Variants in ABCB10 observed in about 807,000 individuals in gnomAD.
ABCB10 encodes ATP-binding cassette sub-family B member 10, mitochondrial.
Under a neutral mutation model 65.4 loss-of-function variants are expected in ABCB10, and 54 were observed. The observed-to-expected ratio is 0.83, with a 90% confidence interval of 0.66 to 1.04. The LOEUF (loss-of-function observed/expected upper bound fraction) is 1.04. ABCB10 is among the 50% of genes least tolerant of loss of function. The probability of loss-of-function intolerance (pLI) is 0.00; values close to 1 mark genes in which losing one functional copy is unlikely to be tolerated. For synonymous variants in ABCB10, 418 were observed against 406.5 expected, an observed-to-expected ratio of 1.03 and a Z score of -0.34; for missense variants, 846 against 976.6, an observed-to-expected ratio of 0.87 and a Z score of 1.78.
rs71173739 is a variant in ABCB10 at position 229,535,038 on chromosome 1, TAAAAAAAAAA to T, written c.1340-3317_1340-3308del. The T allele has an allele frequency of 6.9e-4, 33 of 47,502 alleles. 1 individual carries two copies. The highest frequency in any genetic ancestry group is 2.1e-3 in the African/African-American group (28 of 13,092). 2.9% of individuals were successfully genotyped at this position (47,502 alleles called of 1,614,324 possible). A position where few individuals can be genotyped will look rare whatever the true frequency, so the allele number is the denominator to read the frequency against. On this transcript the variant is annotated intron_variant, in intron 6 of 12. Coordinates refer to ENST00000344517, the MANE Select transcript of ABCB10 (RefSeq NM_012089.3). Reference sequence around the variant, plus strand: ...CTGGGCAACAGAATGAGACTCCCTTTAAAAAAAAAAAAAAAAAAAAAAAAAAAAAACCTTG... The same window carrying T: ...CTGGGCAACAGAATGAGACTCCCTTTAAAAAAAAAAAAAAAAAAAACCTTG...
intron 10 of ABCB10, among the ~76,000 whole-genome samples, chr1:229,524,083 CTGT>C (rs1662376394): frequency 6.6e-6 from 1 of 151,896 alleles, no homozygotes; most frequent in Non-Finnish European, 1.5e-5. Flanking sequence ...TAGGAAAAGA[CTGT>C]TGTTTTAGTC....
At chr1:229,533,369 C>T (rs544534817) in intron 6 of ABCB10, among the ~76,000 whole-genome samples, 135 of 152,192 alleles carry the variant, frequency 8.9e-4, no homozygotes, top group Middle Eastern at 3.4e-3. Flanking sequence ...AGTGATGTAC[C>T]CACCTCAGCC....
intron 1 of ABCB10, among the ~76,000 whole-genome samples, chr1:229,551,297 C>A (rs1156800335): frequency 6.6e-6 from 1 of 152,190 alleles, no homozygotes. Flanking sequence ...ACACCCTACA[C>A]TACCCACCTC....
chr1:229,549,135 A>G, intron 2 of ABCB10, 99 bp downstream of exon 2: 2 of 1,280,336 alleles, frequency 1.6e-6, no homozygotes, highest in Non-Finnish European at 1.1e-6. Context: ...AGAGGAAGAG[A>G]ATGGAGCCTG....
At chr1:229,521,342 T>C (rs1421196218) in intron 11 of ABCB10, among the ~76,000 whole-genome samples, 1 of 152,154 alleles carries the variant, frequency 6.6e-6, no homozygotes, top group Non-Finnish European at 1.5e-5. Context: ...AGGGTCCATG[T>C]GTTAAATTCT....
At chr1:229,554,523 G>A (rs559113453) in intron 1 of ABCB10, among the ~76,000 whole-genome samples, 21 of 152,222 alleles carry the variant, frequency 1.4e-4, no homozygotes, top group African/African-American at 4.8e-4. Context: ...TTCTCTAGTT[G>A]CCACATTATA....
At position 229,537,790 on chromosome 1, in the gene ABCB10, CAAAT is replaced by C. The variant is rs201983639; in HGVS notation, c.1339+1662_1339+1665del. Reference sequence around the variant, plus strand: ...GGGCGACAGAGCAAGACTCCATCTCCAAATAAATAAACAAACAAACAAACAAACA... The same window carrying C: ...GGGCGACAGAGCAAGACTCCATCTCCAAATAAACAAACAAACAAACAAACA... On this transcript the variant is annotated intron_variant, in intron 6 of 12. Transcript: ENST00000344517. Among the ~76,000 whole-genome samples, 1,054 of 152,076 alleles carry C rather than the reference CAAAT, an allele frequency of 6.9e-3. 11 individuals are homozygous for C. Among genetic ancestry groups the C allele is most frequent in the African/African-American group, 0.024 (990 of 41,490 alleles).
intron 8 of ABCB10, 134 bp from the exon 9 acceptor site, chr1:229,527,442 TCTAAAA>T: frequency 1.3e-6 from 1 of 750,062 alleles, no homozygotes; most frequent in Non-Finnish European, 2.3e-6. Context: ...CCAGATGGAC[TCTAAAA>T]CTAACATATT....
At chr1:229,530,757 G>C (rs916993351) in intron 7 of ABCB10, among the ~76,000 whole-genome samples, 2 of 152,232 alleles carry the variant, frequency 1.3e-5, no homozygotes, top group Non-Finnish European at 2.9e-5. Context: ...ACCCTTGTTA[G>C]TCTGGTTTCA....
At chr1:229,539,309 T>C in intron 6 of ABCB10, 147 bp downstream of exon 6, 1 of 1,271,352 alleles carries the variant, frequency 7.9e-7, no homozygotes, top group South Asian at 1.3e-5. Flanking sequence ...ATTTTACTTC[T>C]TTAAAAGCCC....
rs1663135433 is a variant in ABCB10 at position 229,552,259 on chromosome 1, C to T, written c.518-2825G>A. 2.6e-5 allele frequency among the ~76,000 whole-genome samples: 4 copies of T among 152,176 alleles called. No individual in the cohort carries two copies. The South Asian group carries it at 8.3e-4, about 32-fold the overall frequency. On this transcript the variant is annotated intron_variant, in intron 1 of 12. Coordinates refer to ENST00000344517, the MANE Select transcript of ABCB10 (RefSeq NM_012089.3). ...TGTTAATCAAGATCTGACTACATAT[C>T]ACTGTCTTCTGATATTAATGAATAC...
At chr1:229,550,264 G>A (rs1004950526) in intron 1 of ABCB10, among the ~76,000 whole-genome samples, 1 of 152,158 alleles carries the variant, frequency 6.6e-6, no homozygotes, top group Non-Finnish European at 1.5e-5. Flanking sequence ...AGTGGCTCAT[G>A]CCTGTAATCC....
chr1:229,525,366 T>C (rs550680209), intron 10 of ABCB10, among the ~76,000 whole-genome samples: 14 of 152,148 alleles, frequency 9.2e-5, no homozygotes, highest in Non-Finnish European at 1.8e-4. Flanking sequence ...GTTGTTGTTG[T>C]TGTTTTTCAG....
At position 229,558,367 on chromosome 1, in the gene ABCB10, C is replaced by G. The variant is rs1663315775; in HGVS notation, c.286G>C (p.Gly96Arg). ...GCCCCGCACCTGCAGCTGCCGGGGC[C>G]GCGAGCCCACAGCCCCAGGAGCCGC... ...LARLLGLWAR[G>R]PGSCRCGAFA... Residue 96 changes from glycine to arginine, a missense_variant, in exon 1 of 13, where the codon GGC becomes CGC. Physicochemically the swap from Gly to Arg is moderately radical, Grantham distance 125. Coordinates refer to ENST00000344517, the MANE Select transcript of ABCB10 (RefSeq NM_012089.3). 8.0e-7 allele frequency: 1 copy of G among 1,251,926 alleles called. No homozygotes were observed. Among genetic ancestry groups the G allele is most frequent in the Non-Finnish European group, 1.0e-6 (1 of 987,010 alleles). The allele number at this position is 1,251,926 out of a possible 1,614,324, so 77.6% of individuals were successfully genotyped here.
chr1:229,540,498 A>C, intron 5 of ABCB10, 108 bp downstream of exon 5: 3 of 1,198,452 alleles, frequency 2.5e-6, no homozygotes, highest in Non-Finnish European at 3.4e-6. Flanking sequence ...ATTAAGACTA[A>C]AATTTTAAAA....
At chr1:229,544,113 G>A (rs922345013) in intron 3 of ABCB10, among the ~76,000 whole-genome samples, 6 of 152,200 alleles carry the variant, frequency 3.9e-5, no homozygotes, top group East Asian at 1.9e-4. Context: ...ATAATGAAGT[G>A]TTTTGAATAG....
chr1:229,547,952 T>A (rs192113382), intron 2 of ABCB10, among the ~76,000 whole-genome samples: 3 of 152,122 alleles, frequency 2.0e-5, no homozygotes, highest in Admixed American at 6.6e-5. Flanking sequence ...AGTGAGAGGA[T>A]ACAGGAATAA....
At chr1:229,528,136 C>A (rs1408283673) in intron 8 of ABCB10, among the ~76,000 whole-genome samples, 2 of 151,858 alleles carry the variant, frequency 1.3e-5, no homozygotes, top group East Asian at 3.9e-4. Flanking sequence ...TAGAAGCCAG[C>A]TGGAAATGTT....
In ABCB10 at chr1:229,552,953, G is replaced by C. The variant is rs572242790; in HGVS notation, c.518-3519C>G. On this transcript the variant is annotated intron_variant, in intron 1 of 12. Coordinates refer to ENST00000344517, the MANE Select transcript of ABCB10 (RefSeq NM_012089.3). Reference sequence around the variant, plus strand: ...AAGCACAGGCCTCACCTTGGAATCAGGGAAGGGAGCAGAAAGCCTGGCAGG... The same window carrying C: ...AAGCACAGGCCTCACCTTGGAATCACGGAAGGGAGCAGAAAGCCTGGCAGG... 2.0e-5 allele frequency among the ~76,000 whole-genome samples: 3 copies of C among 152,280 alleles called. No homozygotes were observed. The South Asian group carries it at 6.2e-4, about 32-fold the overall frequency.
Sources: gnomAD v4.1 joint callset for allele counts (sites outside exome capture counted in the v4.1 genomes callset) on GRCh38, gnomAD v4.1.1 for gene constraint, MANE v1.5 for transcripts, NCBI Gene and HGNC (gene_info 2026-07-23, HGNC 2026-07-21) for gene names.